PTPRN2: variants seen among roughly 807,000 people sequenced by gnomAD.
PTPRN2 encodes protein tyrosine phosphatase receptor type N2, also known as receptor-type tyrosine-protein phosphatase N2.
In PTPRN2, 74 loss-of-function variants were observed where a neutral mutation model predicts 118.8. The observed-to-expected ratio is 0.62, with a 90% CI of 0.52 to 0.76. The LOEUF is 0.76. PTPRN2 is among the 30% of genes least tolerant of loss of function. The pLI is 0.00. For missense variants in PTPRN2, 1,481 were observed against 1,394.4 expected, an observed-to-expected ratio of 1.06 and a Z score of -0.99; for synonymous variants, 641 against 608.0, an observed-to-expected ratio of 1.05 and a Z score of -0.80.
intron 12 of PTPRN2, among the ~76,000 whole-genome samples, chr7:157,872,153 A>C (rs147781096): frequency 1.7e-3 from 77 of 44,638 alleles, no homozygotes; most frequent in East Asian, 0.017. Context: ...ACACACATAC[A>C]CAGCGCCTCC....
chr7:158,300,554 A>ATAGCGCCTCGCCCGCCACCCAGTCCCG (rs1554445871), intron 3 of PTPRN2, among the ~76,000 whole-genome samples: 1 of 146,630 alleles, frequency 6.8e-6, no homozygotes, highest in African/African-American at 2.5e-5. Flanking sequence ...CTGCACGCCC[A>ATAGCGCCTCGCCCGCCACCCAGTCCCG]CAGCGCCTCG....
chr7:157,577,820 G>A (rs568542540), intron 18 of PTPRN2, among the ~76,000 whole-genome samples: 1 of 150,940 alleles, frequency 6.6e-6, no homozygotes, highest in Non-Finnish European at 1.5e-5. Context: ...CTCAGCCTCC[G>A]TCCCCTGAAC....
rs566374567 is a variant in PTPRN2 at position 157,620,488 on chromosome 7, T to C, written c.2344+874A>G. On this transcript the variant is annotated intron_variant, in intron 15 of 22. Coordinates refer to ENST00000389418, the MANE Select transcript of PTPRN2 (RefSeq NM_002847.5). Reference sequence around the variant, plus strand: ...TTAAAGATGCTGTAAAAGCAACCACTGTTGATTGTGTGCCTGCGACGTACC... The same window carrying C: ...TTAAAGATGCTGTAAAAGCAACCACCGTTGATTGTGTGCCTGCGACGTACC... 7.2e-5 allele frequency among the ~76,000 whole-genome samples: 11 copies of C among 152,334 alleles called. No individual in the cohort carries two copies. The South Asian group carries it at 2.3e-3, about 32-fold the overall frequency.
intron 5 of PTPRN2, among the ~76,000 whole-genome samples, chr7:158,191,237 C>G (rs1193546329): frequency 3.3e-5 from 5 of 152,182 alleles, no homozygotes; most frequent in African/African-American, 1.2e-4. Context: ...ACATTGCTTC[C>G]CACACATATC....
chr7:157,769,199 G>A (rs904936048), intron 12 of PTPRN2, among the ~76,000 whole-genome samples: 8 of 152,024 alleles, frequency 5.3e-5, no homozygotes, highest in Non-Finnish European at 1.0e-4. Flanking sequence ...CCCCCCACAC[G>A]CTTTGCCCGT....
chr7:157,868,102 A>C lies in PTPRN2; in HGVS notation c.1788+30571T>G, dbSNP rs143108917. ...GCAAGAGGCCCACATGCACCTTAGA[A>C]AGGGCCCGAAACAGTTCACGAGTGG... On this transcript the variant is annotated intron_variant, in intron 12 of 22. Coordinates refer to ENST00000389418, the MANE Select transcript of PTPRN2 (RefSeq NM_002847.5). The surrounding 1 kb of genome is among the most constrained non-coding windows in gnomAD (Gnocchi z 5.2). Among the ~76,000 whole-genome samples, 1,496 of 152,304 alleles carry C rather than the reference A, an allele frequency of 9.8e-3. 22 individuals carry two copies. The highest frequency in any genetic ancestry group is 0.033 in the African/African-American group (1,382 of 41,568).
rs201305721 is a variant in PTPRN2 at position 157,772,200 on chromosome 7, TAC to T, written c.1789-89265_1789-89264del. ...ATACACAGACACAGACACACATACA[TAC>T]ACAGAGACACACATAGACACAGACA... On this transcript the variant is annotated intron_variant, in intron 12 of 22. Coordinates refer to ENST00000389418, the MANE Select transcript of PTPRN2 (RefSeq NM_002847.5). Among the ~76,000 whole-genome samples the T allele has an allele frequency of 6.5e-3, 808 of 124,328 alleles. 24 individuals are homozygous for T. The highest frequency in any genetic ancestry group is 0.05 in the East Asian group (205 of 4,094). The allele number at this position is 124,328 out of a possible 152,430, so 81.6% of individuals were successfully genotyped here. A position where few individuals can be genotyped will look rare whatever the true frequency, so the allele number is the denominator to read the frequency against.
chr7:158,205,217 G>T lies in PTPRN2; in HGVS notation c.334C>A (p.Leu112Ile). The T allele has an allele frequency of 1.2e-6, 2 of 1,614,118 alleles. No homozygotes were observed. The highest frequency in any genetic ancestry group is 1.7e-6 in the Non-Finnish European group (2 of 1,180,036). ...GGACGCCTCAGGTAGGTTTTCGGGA[G>T]GTCTGCAAGTTCCTGGTCCATCACA... ...QYVMDQELAD[L>I]PKTYLRRPEA... The change falls in exon 4 of 23, where the codon CTC becomes ATC. Residue 112 changes from leucine to isoleucine, a missense_variant. Coordinates refer to ENST00000389418, the MANE Select transcript of PTPRN2 (RefSeq NM_002847.5).
chr7:158,116,403 G>A (rs545812141), intron 9 of PTPRN2, among the ~76,000 whole-genome samples: 6 of 152,182 alleles, frequency 3.9e-5, no homozygotes, highest in Non-Finnish European at 5.9e-5. Context: ...GAAGGCCTCC[G>A]ACTTCTAGTG....
intron 15 of PTPRN2, among the ~76,000 whole-genome samples, chr7:157,614,486 A>G (rs1802625201): frequency 6.6e-6 from 1 of 152,260 alleles, no homozygotes; most frequent in Non-Finnish European, 1.5e-5. Context: ...AAAGAGACAC[A>G]AAACCCAAAA....
At chr7:158,312,277 G>GACACACGCACACATGCACAC (rs10628254) in intron 3 of PTPRN2, among the ~76,000 whole-genome samples, 1 of 103,452 alleles carries the variant, frequency 9.7e-6, no homozygotes, top group East Asian at 3.1e-4. Flanking sequence ...CTCACATGTA[G>GACACACGCACACATGCACAC]ACACGCACAC....
chr7:158,160,539 T>C (rs1221993730), intron 6 of PTPRN2, among the ~76,000 whole-genome samples: 11 of 152,316 alleles, frequency 7.2e-5, no homozygotes, highest in Admixed American at 4.6e-4. Flanking sequence ...ATGAAGAATG[T>C]CCTTTTTGTA....
intron 1 of PTPRN2, among the ~76,000 whole-genome samples, chr7:158,547,891 CTG>C (rs979328232): frequency 1.3e-5 from 2 of 152,224 alleles, no homozygotes; most frequent in African/African-American, 4.8e-5. Flanking sequence ...GCAGCAAAAA[CTG>C]TGAAGATTAA....
intron 7 of PTPRN2, 137 bp from the exon 8 acceptor site, chr7:158,136,832 A>G: frequency 1.3e-6 from 1 of 775,596 alleles, no homozygotes. Context: ...GTCCTGCCAT[A>G]GAGTAAACCT....
intron 1 of PTPRN2, among the ~76,000 whole-genome samples, chr7:158,562,663 G>T (rs1287870832): frequency 6.6e-6 from 1 of 152,214 alleles, no homozygotes; most frequent in East Asian, 1.9e-4. Context: ...CCACAAGGCT[G>T]ATTGTGCATG....
intron 11 of PTPRN2, among the ~76,000 whole-genome samples, chr7:157,946,663 G>A (rs935242174): frequency 1.2e-4 from 19 of 152,222 alleles, no homozygotes; most frequent in African/African-American, 4.3e-4. Flanking sequence ...CACAGGGATG[G>A]TGTCACCACT....
rs111855103 is a variant in PTPRN2 at position 158,310,804 on chromosome 7, A to G, written c.277+6015T>C. Among the ~76,000 whole-genome samples, 99 of 140,524 alleles carry G rather than the reference A, an allele frequency of 7.0e-4. 3 individuals carry two copies. Among genetic ancestry groups the G allele is most frequent in the African/African-American group, 2.6e-3 (93 of 36,200 alleles). The allele number at this position is 140,524 out of a possible 152,430, so 92.2% of individuals were successfully genotyped here. A position where few individuals can be genotyped will look rare whatever the true frequency, so the allele number is the denominator to read the frequency against. ...GCGAGCCCTGAGCCGGACAGAGCGCAAGTCCCACGGAGGGCGAGCCCTGAG... is the reference window on the plus strand; with the variant it reads ...GCGAGCCCTGAGCCGGACAGAGCGCGAGTCCCACGGAGGGCGAGCCCTGAG... On this transcript the variant is annotated intron_variant, in intron 3 of 22. Coordinates refer to ENST00000389418, the MANE Select transcript of PTPRN2 (RefSeq NM_002847.5).
At chr7:158,376,841 G>A (rs13237779) in intron 2 of PTPRN2, among the ~76,000 whole-genome samples, 23,755 of 41,546 alleles carry the variant, frequency 0.57, 5,431 homozygotes, top group South Asian at 0.67. Context: ...TCCTGCACGC[G>A]GGGTCAGGGG....
chr7:157,998,447 G>A (rs1407055692), intron 11 of PTPRN2, among the ~76,000 whole-genome samples: 1 of 152,198 alleles, frequency 6.6e-6, no homozygotes, highest in African/African-American at 2.4e-5. Context: ...CAGCTCTGCC[G>A]TGAGAGGAGC....
Sources: allele counts gnomAD v4.1 joint callset (sites outside exome capture counted in the v4.1 genomes callset), GRCh38; gene constraint gnomAD v4.1.1; non-coding constraint Gnocchi (gnomAD v3.1); transcripts MANE v1.5; gene names NCBI Gene and HGNC (gene_info 2026-07-23, HGNC 2026-07-21).